The following SMYD3 variants were observed in gnomAD, a reference collection of about 807,000 sequenced individuals.
The protein encoded by SMYD3 is SET and MYND domain containing 3.
Under a neutral mutation model 57.7 loss-of-function variants are expected in SMYD3, and 36 were observed. The ratio of observed to expected loss-of-function variants is 0.62; its 90% confidence interval spans 0.48 to 0.82. The LOEUF is 0.82. Ranked by LOEUF, SMYD3 falls within the 40% of genes least tolerant of loss-of-function variation. The probability of loss-of-function intolerance (pLI) is 0.00; values close to 1 mark genes in which losing one functional copy is unlikely to be tolerated. For synonymous variants in SMYD3, 211 were observed against 195.0 expected (o/e 1.08, Z -0.68); for missense variants, 515 against 538.8 (o/e 0.96, Z 0.44).
rs562276949 is a variant in SMYD3 at position 246,254,813 on chromosome 1, A to G, written c.531+72388T>C. 4.6e-5 allele frequency among the ~76,000 whole-genome samples: 7 copies of G among 152,244 alleles called. No homozygotes were observed. The East Asian group carries it at 1.2e-3, about 25-fold the overall frequency. On this transcript the variant is annotated intron_variant, in intron 5 of 11. Transcript: ENST00000490107. ...TGTGTCATTTCTGATTTCTTTCAGCAGTGTTTTCTAATCCTTGTAAAAATG... is the reference window on the plus strand; with the variant it reads ...TGTGTCATTTCTGATTTCTTTCAGCGGTGTTTTCTAATCCTTGTAAAAATG...
intron 1 of SMYD3, among the ~76,000 whole-genome samples, chr1:246,495,703 G>A (rs2068350145): frequency 6.6e-6 from 1 of 152,066 alleles, no homozygotes; most frequent in South Asian, 2.1e-4. Flanking sequence ...CACTTTGGGA[G>A]GCCAAGGCAG....
intron 8 of SMYD3, among the ~76,000 whole-genome samples, chr1:245,890,648 A>G (rs547159378): frequency 1.3e-4 from 20 of 152,342 alleles, no homozygotes; most frequent in South Asian, 1.0e-3. Flanking sequence ...TACATCTACT[A>G]TGGAAAACTG....
Position 246,477,322 on chromosome 1 carries a change from T to C in SMYD3, c.164+29732A>G, listed in dbSNP as rs993167065. 5.9e-5 allele frequency among the ~76,000 whole-genome samples: 9 copies of C among 152,328 alleles called. No homozygotes were observed. In the East Asian group the frequency reaches 1.7e-3, roughly 29 times the overall value. On this transcript the variant is annotated intron_variant, in intron 1 of 11. Transcript: ENST00000490107. ...TTTAGTCTTACTGATACCTAATTAC[T>C]ATAATAGCTTTCTCCAACGGGTACC...
chr1:246,287,222 A>C lies in SMYD3; in HGVS notation c.531+39979T>G, dbSNP rs144186862. Reference sequence around the variant, plus strand: ...ATCATTTTAGAATTTCATGAATATCAATTGATCAGAAAACATTAGTGAAAG... The same window carrying C: ...ATCATTTTAGAATTTCATGAATATCCATTGATCAGAAAACATTAGTGAAAG... On this transcript the variant is annotated intron_variant, in intron 5 of 11. Coordinates refer to ENST00000490107, the MANE Select transcript of SMYD3 (RefSeq NM_001167740.2). 4.1e-4 allele frequency among the ~76,000 whole-genome samples: 62 copies of C among 152,338 alleles called. No individual in the cohort carries two copies. The East Asian group carries it at 9.6e-3, about 24-fold the overall frequency.
At position 245,993,118 on chromosome 1, in the gene SMYD3, G is replaced by A. The variant is rs76694209; in HGVS notation, c.532-63181C>T. On this transcript the variant is annotated intron_variant, in intron 5 of 11. Coordinates refer to ENST00000490107, the MANE Select transcript of SMYD3 (RefSeq NM_001167740.2). ...CTTCTGCACTCAACGTTTACTGGGT[G>A]TTCATCATGTTCCAGATACTGTTTG... Among the ~76,000 whole-genome samples, 64 of 152,350 alleles carry A rather than the reference G, an allele frequency of 4.2e-4. 1 individual carries two copies. In the East Asian group the frequency reaches 0.01, roughly 24 times the overall value.
intron 10 of SMYD3, among the ~76,000 whole-genome samples, chr1:245,789,921 G>GTTCA (rs1052875662): frequency 6.6e-6 from 1 of 152,170 alleles, no homozygotes; most frequent in East Asian, 1.9e-4. Flanking sequence ...TCATTTATTT[G>GTTCA]TTCATTCATT....
chr1:246,431,233 CAAT>C (rs2067292961), intron 1 of SMYD3, among the ~76,000 whole-genome samples: 3 of 152,038 alleles, frequency 2.0e-5, no homozygotes. Flanking sequence ...AAGAAAAAAA[CAAT>C]AAACGCACAC....
rs151093265 is a variant in SMYD3 at position 245,987,995 on chromosome 1, T to C, written c.532-58058A>G. Among the ~76,000 whole-genome samples, 756 of 152,326 alleles carry C rather than the reference T, an allele frequency of 5.0e-3. 6 individuals carry two copies. The highest frequency in any genetic ancestry group is 0.017 in the African/African-American group (705 of 41,574). On this transcript the variant is annotated intron_variant, in intron 5 of 11. Transcript: ENST00000490107. ...AGGCCAGAAAACTGTATTTTTATAA[T>C]GCTCTGCTGGGTTTGAGAATCACCG...
At chr1:246,057,333 G>C (rs147756377) in intron 5 of SMYD3, among the ~76,000 whole-genome samples, 1 of 152,136 alleles carries the variant, frequency 6.6e-6, no homozygotes, top group Non-Finnish European at 1.5e-5. Context: ...AACTGAAAAA[G>C]AAAAAGCTAC....
intron 10 of SMYD3, among the ~76,000 whole-genome samples, chr1:245,808,572 G>A (rs2048304700): frequency 6.6e-6 from 1 of 152,152 alleles, no homozygotes; most frequent in African/African-American, 2.4e-5. Flanking sequence ...ACCGGGTGAG[G>A]CTGGCCACTT....
chr1:245,833,054 T>C (rs1357739804), intron 10 of SMYD3, among the ~76,000 whole-genome samples: 17 of 29,310 alleles, frequency 5.8e-4, no homozygotes, highest in African/African-American at 9.9e-4. Context: ...GCCCGGAATA[T>C]GTGACAAAAA....
chr1:246,200,449 C>T (rs111860106), intron 5 of SMYD3, among the ~76,000 whole-genome samples: 6 of 137,166 alleles, frequency 4.4e-5, no homozygotes, highest in Non-Finnish European at 3.1e-5. Context: ...TGGAGAACAG[C>T]GTAGATGCTG....
At chr1:246,270,916 C>G (rs541874863) in intron 5 of SMYD3, among the ~76,000 whole-genome samples, 1 of 152,312 alleles carries the variant, frequency 6.6e-6, no homozygotes, top group African/African-American at 2.4e-5. Context: ...AGTGGCTATA[C>G]AGTTTTACAC....
At chr1:246,151,043 C>T (rs1022940914) in intron 5 of SMYD3, among the ~76,000 whole-genome samples, 1 of 152,176 alleles carries the variant, frequency 6.6e-6, no homozygotes, top group East Asian at 1.9e-4. Context: ...GTCAGGAGTT[C>T]AAGACCAGCC....
intron 10 of SMYD3, among the ~76,000 whole-genome samples, chr1:245,785,675 G>A (rs2047009888): frequency 6.6e-6 from 1 of 151,978 alleles, no homozygotes; most frequent in African/African-American, 2.4e-5. Context: ...GTGAGAGAGT[G>A]AGAAAGCGAG....
At chr1:246,387,212 T>G (rs775707654) in intron 1 of SMYD3, among the ~76,000 whole-genome samples, 1 of 152,240 alleles carries the variant, frequency 6.6e-6, no homozygotes, top group Non-Finnish European at 1.5e-5. Flanking sequence ...GTATACGGTA[T>G]GAGCTTTAGA....
intron 5 of SMYD3, among the ~76,000 whole-genome samples, chr1:246,149,488 AT>A (rs572273670): frequency 6.6e-6 from 1 of 152,128 alleles, no homozygotes; most frequent in South Asian, 2.1e-4. Flanking sequence ...AGAAGTGATA[AT>A]TTTTTTTCCT....
chr1:246,114,118 C>T (rs2061303366), intron 5 of SMYD3, among the ~76,000 whole-genome samples: 2 of 146,432 alleles, frequency 1.4e-5, no homozygotes, highest in Admixed American at 6.6e-5. Flanking sequence ...GCACTAATTT[C>T]AGATGGGCTC....
At chr1:246,075,547 T>G (rs1344180187) in intron 5 of SMYD3, among the ~76,000 whole-genome samples, 1 of 152,158 alleles carries the variant, frequency 6.6e-6, no homozygotes, top group Non-Finnish European at 1.5e-5. Flanking sequence ...AAAGACATTT[T>G]CATATAAAAG....
Sources: allele counts gnomAD v4.1 joint callset (sites outside exome capture counted in the v4.1 genomes callset), GRCh38; gene constraint gnomAD v4.1.1; transcripts MANE v1.5; gene names NCBI Gene and HGNC (gene_info 2026-07-23, HGNC 2026-07-21).